Variants in ALDH7A1 observed in about 807,000 individuals in gnomAD.
ALDH7A1 encodes aldehyde dehydrogenase 7 family member A1, also known as alpha-aminoadipic semialdehyde dehydrogenase.
A neutral mutation model predicts 79.9 loss-of-function variants in ALDH7A1; 63 were observed. The observed-to-expected ratio is 0.79, with a 90% confidence interval of 0.64 to 0.97. The LOEUF (loss-of-function observed/expected upper bound fraction) is 0.97, where lower values mean the gene tolerates loss of function less well. ALDH7A1 is among the 50% of genes least tolerant of loss of function. The pLI is 0.00. For missense variants in ALDH7A1, 627 were observed against 665.2 expected (o/e 0.94, Z 0.63); for synonymous variants, 240 against 231.2 (o/e 1.04, Z -0.34).
intron 10 of ALDH7A1, 94 bp downstream of exon 10, chr5:126,560,989 G>C (rs965901518): frequency 1.4e-6 from 2 of 1,403,896 alleles, no homozygotes; most frequent in Non-Finnish European, 2.0e-6. Flanking sequence ...TATGCAACAT[G>C]GACGAAATGA....
At chr5:126,565,394 C>CAAAAAA (rs1162552475) in intron 9 of ALDH7A1, among the ~76,000 whole-genome samples, 2 of 63,352 alleles carry the variant, frequency 3.2e-5, no homozygotes, top group African/African-American at 1.3e-4. Context: ...GATTCCATCT[C>CAAAAAA]AAAAAAAAAA....
chr5:126,564,168 T>G (rs1344327713), intron 9 of ALDH7A1, among the ~76,000 whole-genome samples: 2 of 152,096 alleles, frequency 1.3e-5, no homozygotes, highest in African/African-American at 4.8e-5. Context: ...ATATGTTTAT[T>G]TATTTTTGAG....
chr5:126,585,298 C>T (rs1751323210), intron 3 of ALDH7A1, among the ~76,000 whole-genome samples: 1 of 151,646 alleles, frequency 6.6e-6, no homozygotes, highest in African/African-American at 2.4e-5. Flanking sequence ...AATTCTGTCT[C>T]AAAAAAAATA....
intron 1 of ALDH7A1, 113 bp from the exon 2 acceptor site, chr5:126,593,517 A>T: frequency 6.9e-7 from 1 of 1,443,350 alleles, no homozygotes. Context: ...TAATACCCAA[A>T]CTCAAAAAGC....
rs144415218 is a variant in ALDH7A1 at position 126,562,685 on chromosome 5, T to C, written c.872-1561A>G. Among the ~76,000 whole-genome samples the C allele has an allele frequency of 7.5e-3, 1,141 of 151,970 alleles. 15 individuals carry two copies. The highest frequency in any genetic ancestry group is 0.026 in the African/African-American group (1,094 of 41,500). ...CAACATGGTGAAACCCTGTCTCTAC[T>C]AAAAACACAAAAATTAGCTGGGCGT... is the stretch of plus-strand genomic sequence containing the variant. On this transcript the variant is annotated intron_variant, in intron 9 of 17. Transcript: ENST00000409134.
In ALDH7A1 at chr5:126,547,837, G is replaced by T. The variant is rs570888951; in HGVS notation, c.1490-1438C>A. 3.3e-5 allele frequency among the ~76,000 whole-genome samples: 5 copies of T among 152,166 alleles called. No homozygotes were observed. In the East Asian group the frequency reaches 7.7e-4, roughly 24 times the overall value. On this transcript the variant is annotated intron_variant, in intron 16 of 17. Transcript: ENST00000409134. ...GAGGCCGAGGCAGGTGGATCACAAG[G>T]TCAGGAGTTCAAGACCAGCCTGGCC...
At chr5:126,577,039 T>G (rs1173756734) in intron 6 of ALDH7A1, 40 bp downstream of exon 6, 1 of 1,612,686 alleles carries the variant, frequency 6.2e-7, no homozygotes, top group Admixed American at 1.7e-5. Flanking sequence ...ATGGCTATTT[T>G]TATCACTCAC....
intron 10 of ALDH7A1, among the ~76,000 whole-genome samples, chr5:126,559,979 C>A (rs772211269): frequency 0.19 from 28,882 of 151,146 alleles, 2,927 homozygotes; most frequent in Middle Eastern, 0.22. Context: ...GAGTCTCACT[C>A]TGTCACCCAG....
chr5:126,591,056 T>C (rs1751537356), intron 3 of ALDH7A1, among the ~76,000 whole-genome samples: 1 of 152,172 alleles, frequency 6.6e-6, no homozygotes, highest in Non-Finnish European at 1.5e-5. Context: ...ATGAACATTT[T>C]GCATTGCAGA....
chr5:126,571,750 A>G (rs889510015), intron 7 of ALDH7A1, among the ~76,000 whole-genome samples: 2 of 152,158 alleles, frequency 1.3e-5, no homozygotes, highest in Admixed American at 6.5e-5. Context: ...CCACCAGCAA[A>G]TAAGAGATTT....
chr5:126,592,777 A>G (rs1392935022), intron 2 of ALDH7A1, 48 bp from the exon 3 acceptor site: 1 of 1,545,338 alleles, frequency 6.5e-7, no homozygotes, highest in Non-Finnish European at 8.9e-7. Context: ...AAGAGAAATG[A>G]TGATGATCTT....
At chr5:126,571,204 G>A in intron 7 of ALDH7A1, 2 of 302,734 alleles carry the variant, frequency 6.6e-6, no homozygotes, top group Admixed American at 5.2e-5. Context: ...GAGGCCAGGT[G>A]TGGTGGCTCA....
intron 1 of ALDH7A1, 142 bp downstream of exon 1, chr5:126,594,865 G>T: frequency 1.7e-6 from 2 of 1,151,198 alleles, no homozygotes; most frequent in Non-Finnish European, 2.5e-6. Flanking sequence ...CACCCTACAC[G>T]AGAAAACTTT....
chr5:126,546,512 CT>C, intron 16 of ALDH7A1, 113 bp from the exon 17 acceptor site: 1 of 937,198 alleles, frequency 1.1e-6, no homozygotes. Context: ...TGATTATTTA[CT>C]TTACATTTAG....
At chr5:126,583,834 T>C in intron 4 of ALDH7A1, 98 bp downstream of exon 4, 1 of 1,015,664 alleles carries the variant, frequency 9.8e-7, no homozygotes, top group Non-Finnish European at 1.5e-6. Context: ...CAAGACTCCA[T>C]CTCAAAAAAA....
In ALDH7A1 at chr5:126,542,792, A is replaced by T. The variant is rs1749651249; in HGVS notation, c.*2173T>A. ...CCTTTGAGAAAACTGCCTTCCCTCC[A>T]TTGTGAGAAGTCTTCACCTGGAGGG... On this transcript the variant is annotated 3_prime_UTR_variant, in exon 18 of 18. Coordinates refer to ENST00000409134, the MANE Select transcript of ALDH7A1 (RefSeq NM_001182.5). The T allele has an allele frequency of 6.6e-6, 1 of 152,246 alleles. No homozygotes were observed. Among genetic ancestry groups the T allele is most frequent in the Non-Finnish European group, 1.5e-5 (1 of 68,052 alleles). 9.4% of individuals were successfully genotyped at this position (152,246 alleles called of 1,614,324 possible).
At chr5:126,554,434 T>C in intron 12 of ALDH7A1, 41 bp from the exon 13 acceptor site, 1 of 1,537,910 alleles carries the variant, frequency 6.5e-7, no homozygotes, top group South Asian at 1.1e-5. Flanking sequence ...ATTTTGCCCT[T>C]TATGGCATCG....
intron 7 of ALDH7A1, among the ~76,000 whole-genome samples, chr5:126,572,234 G>A (rs1460677653): frequency 6.6e-6 from 1 of 152,124 alleles, no homozygotes; most frequent in African/African-American, 2.4e-5. Context: ...TCACACCTAA[G>A]TTCCCCTAAA....
chr5:126,566,381 T>C (rs1277835528), intron 9 of ALDH7A1, among the ~76,000 whole-genome samples: 2 of 152,210 alleles, frequency 1.3e-5, no homozygotes, highest in Non-Finnish European at 1.5e-5. Context: ...TTTTGGATTG[T>C]TCATTGTTAA....
Sources: gnomAD v4.1 joint callset for allele counts (sites outside exome capture counted in the v4.1 genomes callset) on GRCh38, gnomAD v4.1.1 for gene constraint, MANE v1.5 for transcripts, NCBI Gene and HGNC (gene_info 2026-07-23, HGNC 2026-07-21) for gene names.